Variants in SREBF2 observed in about 807,000 individuals in gnomAD.
The protein encoded by SREBF2 is sterol regulatory element binding transcription factor 2.
A neutral mutation model predicts 113.1 loss-of-function variants in SREBF2; 55 were observed. The observed-to-expected ratio is 0.49, with a 90% CI of 0.39 to 0.61. The LOEUF (loss-of-function observed/expected upper bound fraction) is 0.61. Among genes scored for constraint, SREBF2 ranks in the 20% least tolerant of loss-of-function variants. The pLI, the probability that SREBF2 is intolerant of heterozygous loss-of-function variation, is 0.00. For missense variants in SREBF2, 1,349 were observed against 1,487.4 expected (o/e 0.91, Z 1.53); for synonymous variants, 593 against 605.7 (o/e 0.98, Z 0.31).
At chr22:41,860,444 C>T (rs2077017077) in intron 1 of SREBF2, among the ~76,000 whole-genome samples, 1 of 152,142 alleles carries the variant, frequency 6.6e-6, no homozygotes, top group African/African-American at 2.4e-5. Flanking sequence ...ACAGAAATGG[C>T]TGTGAGGAAA....
chr22:41,862,782 C>G (rs1003380235), intron 1 of SREBF2, among the ~76,000 whole-genome samples: 4 of 152,226 alleles, frequency 2.6e-5, no homozygotes, highest in Admixed American at 6.5e-5. Flanking sequence ...TCCCATCACT[C>G]CTTTCTGCAG....
intron 17 of SREBF2, among the ~76,000 whole-genome samples, chr22:41,903,878 G>A (rs1017404027): frequency 2.0e-5 from 3 of 152,128 alleles, no homozygotes; most frequent in African/African-American, 7.2e-5. Flanking sequence ...TTGCACTGTG[G>A]CCACTGTGTG....
chr22:41,870,994 G>GCCCTCACCA lies in SREBF2; in HGVS notation c.830_838dup (p.Leu277_Thr279dup). 2 of 1,613,910 alleles carry GCCCTCACCA rather than the reference G, an allele frequency of 1.2e-6. No individual in the cohort carries two copies. Among genetic ancestry groups the GCCCTCACCA allele is most frequent in the Non-Finnish European group, 1.7e-6 (2 of 1,179,978 alleles). On this transcript the variant is annotated inframe_insertion, in exon 4 of 19. Coordinates refer to ENST00000361204, the MANE Select transcript of SREBF2 (RefSeq NM_004599.4). ...TGCGGTCCAGAACCCGGCCCTCACCGCCCTCACCACCCCTATCCAGACGGC... is the reference window on the plus strand; with the variant it reads ...TGCGGTCCAGAACCCGGCCCTCACCGCCCTCACCACCCTCACCACCCCTATCCAGACGGC...
At chr22:41,854,306 C>T (rs1296941134) in intron 1 of SREBF2, among the ~76,000 whole-genome samples, 2 of 151,218 alleles carry the variant, frequency 1.3e-5, no homozygotes, top group African/African-American at 2.4e-5. Context: ...GGATTACAGG[C>T]ACCCACCCCC....
At chr22:41,845,184 C>T (rs1181628091) in intron 1 of SREBF2, among the ~76,000 whole-genome samples, 2 of 152,206 alleles carry the variant, frequency 1.3e-5, no homozygotes, top group Middle Eastern at 3.4e-3. Flanking sequence ...CTGCCTTGGC[C>T]TCCCAAAGTG....
chr22:41,878,082 T>C lies in SREBF2; in HGVS notation c.1720T>C (p.Phe574Leu). 6.2e-7 allele frequency: 1 copy of C among 1,614,188 alleles called. No individual in the cohort carries two copies. The highest frequency in any genetic ancestry group is 8.5e-7 in the Non-Finnish European group (1 of 1,180,042). Residue 574 changes from phenylalanine (F) to leucine (L), a missense_variant, in exon 9 of 19, where the codon TTC becomes CTC. Around this residue, in one of 2 missense-constraint regions of SREBF2, gnomAD observed 699 missense variants for 843.3 expected, o/e 0.83. Transcript: ENST00000361204. ...GCCACACTCGCGCTCCTCGGTCACCTTCTGGAGGCACCGGAAACAGGCAGA... is the reference window on the plus strand; with the variant it reads ...GCCACACTCGCGCTCCTCGGTCACCCTCTGGAGGCACCGGAAACAGGCAGA... The part of the protein sequence containing the change: ...IRPHSRSSVT[F>L]WRHRKQADLD...
chr22:41,842,321 T>C lies in SREBF2; in HGVS notation c.88+8963T>C, dbSNP rs971463891. ...TTACAAAAGAAGCTAATAACAAATA[T>C]TGATTTTAGTTTTTGCTTTGCTTTC... On this transcript the variant is annotated intron_variant, in intron 1 of 18. Coordinates refer to ENST00000361204, the MANE Select transcript of SREBF2 (RefSeq NM_004599.4). Among the ~76,000 whole-genome samples, 23 of 152,206 alleles carry C rather than the reference T, an allele frequency of 1.5e-4. 1 individual carries two copies. Among genetic ancestry groups the C allele is most frequent in the African/African-American group, 5.3e-4 (22 of 41,444 alleles).
At chr22:41,889,807 C>A (rs1949100898) in intron 11 of SREBF2, among the ~76,000 whole-genome samples, 1 of 151,824 alleles carries the variant, frequency 6.6e-6, no homozygotes, top group African/African-American at 2.4e-5. Context: ...TTGAGACCAG[C>A]CTGGCCAACA....
Position 41,904,958 on chromosome 22 carries a change from G to C in SREBF2, c.3189G>C (p.Thr1063=), listed in dbSNP as rs150711654. 6.9e-6 allele frequency: 11 copies of C among 1,597,386 alleles called. No homozygotes were observed. The African/African-American group carries it at 1.1e-4, about 16-fold the overall frequency. The part of the protein sequence containing the change: ...LLEHSLRRRT[T]QSTKHGEVDA... ...AACACAGCCTGCGGCGGCGCACCACGCAGAGCACCAAGCACGGTGAGTCCA... is the reference window on the plus strand; with the variant it reads ...AACACAGCCTGCGGCGGCGCACCACCCAGAGCACCAAGCACGGTGAGTCCA... The change falls in exon 18 of 19, where the codon ACG becomes ACC. Residue 1063 remains threonine (T), a synonymous_variant. Transcript: ENST00000361204.
At position 41,894,847 on chromosome 22, in the gene SREBF2, C is replaced by A. The variant is rs755996213; in HGVS notation, c.2405C>A (p.Ala802Asp). 4 of 1,614,192 alleles carry A rather than the reference C, an allele frequency of 2.5e-6. No homozygotes were observed. The highest frequency in any genetic ancestry group is 2.2e-5 in the South Asian group (2 of 91,080). The change falls in exon 13 of 19, where the codon GCC (alanine) becomes GAC (aspartate). Residue 802 changes from alanine to aspartate, a missense_variant. Around this residue, in one of 2 missense-constraint regions of SREBF2, gnomAD observed 650 missense variants for 644.1 expected, o/e 1.01. Coordinates refer to ENST00000361204, the MANE Select transcript of SREBF2 (RefSeq NM_004599.4). ...PADPIAQVHQ[A>D]FCKNLLERAI... is the part of the protein sequence containing the mutation. ...GACCCCATTGCGCAGGTCCACCAGG[C>A]CTTCTGCAAGAACCTGCTGGAGCGA...
chr22:41,874,302 C>A (rs1298672825), intron 5 of SREBF2, among the ~76,000 whole-genome samples: 1 of 152,124 alleles, frequency 6.6e-6, no homozygotes, highest in Non-Finnish European at 1.5e-5. Flanking sequence ...GAGAAAGATG[C>A]CTGCCACTCA....
intron 1 of SREBF2, among the ~76,000 whole-genome samples, chr22:41,852,162 C>T (rs2076938375): frequency 6.6e-6 from 1 of 151,186 alleles, no homozygotes; most frequent in Non-Finnish European, 1.5e-5. Flanking sequence ...GGGGACCTGG[C>T]CTGGGAGTGA....
At chr22:41,873,600 G>A (rs996139276) in intron 4 of SREBF2, 198 bp from the exon 5 acceptor site, 1 of 612,156 alleles carries the variant, frequency 1.6e-6, no homozygotes, top group African/African-American at 1.8e-5. Context: ...AGTGATTCTT[G>A]AAGGGAGGTA....
intron 1 of SREBF2, among the ~76,000 whole-genome samples, chr22:41,852,431 G>A (rs1374043847): frequency 6.6e-6 from 1 of 152,074 alleles, no homozygotes; most frequent in Non-Finnish European, 1.5e-5. Flanking sequence ...CATTCAGTTT[G>A]GCCTTGCAAA....
At chr22:41,878,533 C>A in intron 9 of SREBF2, 1 of 529,322 alleles carries the variant, frequency 1.9e-6, no homozygotes, top group Non-Finnish European at 3.3e-6. Context: ...GGTAGTGTGT[C>A]TAGGCCCAAA....
chr22:41,896,463 G>A (rs1021246561), intron 13 of SREBF2, among the ~76,000 whole-genome samples: 4 of 152,080 alleles, frequency 2.6e-5, no homozygotes, highest in Admixed American at 6.6e-5. Context: ...GGGTTCAAGC[G>A]GTTCTCCTGC....
chr22:41,850,925 G>C (rs1376173979), intron 1 of SREBF2, among the ~76,000 whole-genome samples: 1 of 152,084 alleles, frequency 6.6e-6, no homozygotes, highest in African/African-American at 2.4e-5. Context: ...ATTTTTGGTA[G>C]AGATGGGGTT....
Position 41,905,726 on chromosome 22 carries a change from C to G in SREBF2, c.*66C>G. 1 of 1,483,120 alleles carries G rather than the reference C, an allele frequency of 6.7e-7. No homozygotes were observed. 91.9% of individuals were successfully genotyped at this position (1,483,120 alleles called of 1,614,324 possible). A position where few individuals can be genotyped will look rare whatever the true frequency, so the allele number is the denominator to read the frequency against. ...CTCTCTCTCCCCCTCAGCATCTTCCCGCTGAGAGTGGTGGGGAAGAGCCTT... is the reference window on the plus strand; with the variant it reads ...CTCTCTCTCCCCCTCAGCATCTTCCGGCTGAGAGTGGTGGGGAAGAGCCTT... On this transcript the variant is annotated 3_prime_UTR_variant, in exon 19 of 19. Coordinates refer to ENST00000361204, the MANE Select transcript of SREBF2 (RefSeq NM_004599.4).
chr22:41,864,249 TATATATATATATACACACAC>T (rs2077051504), intron 1 of SREBF2, among the ~76,000 whole-genome samples: 2 of 96,798 alleles, frequency 2.1e-5, no homozygotes, highest in Non-Finnish European at 4.0e-5. Flanking sequence ...TATATATATA[TATATATATATATACACACAC>T]ACACACACAC....
Sources: gnomAD v4.1 joint callset for allele counts (sites outside exome capture counted in the v4.1 genomes callset) on GRCh38, gnomAD v4.1.1 for gene constraint, gnomAD v4.1.1 regional missense constraint, MANE v1.5 for transcripts, NCBI Gene and HGNC (gene_info 2026-07-23, HGNC 2026-07-21) for gene names.